The following FSTL5 variants were observed in gnomAD, a reference collection of about 807,000 sequenced individuals.
FSTL5 encodes the protein follistatin like 5.
FSTL5 carries 62 observed loss-of-function variants against 89.1 expected under a neutral mutation model. The observed-to-expected ratio is 0.70, with a 90% CI of 0.57 to 0.86. The LOEUF is 0.86. Among genes scored for constraint, FSTL5 ranks in the 40% least tolerant of loss-of-function variants. The probability of loss-of-function intolerance (pLI) is 0.00; values close to 1 mark genes in which losing one functional copy is unlikely to be tolerated. For missense variants in FSTL5, 1,057 were observed against 1,001.6 expected, an observed-to-expected ratio of 1.06 and a Z score of -0.75; for synonymous variants, 383 against 346.2, an observed-to-expected ratio of 1.11 and a Z score of -1.18.
At chr4:161,650,368 A>G (rs774470056) in intron 7 of FSTL5, among the ~76,000 whole-genome samples, 10 of 152,202 alleles carry the variant, frequency 6.6e-5, no homozygotes, top group African/African-American at 2.4e-4. Context: ...AAATTCAATT[A>G]ATGTTGAATT....
intron 2 of FSTL5, among the ~76,000 whole-genome samples, chr4:162,065,894 T>C (rs1451330318): frequency 6.6e-6 from 1 of 152,076 alleles, no homozygotes; most frequent in Admixed American, 6.6e-5. Flanking sequence ...TGTCTGAGAG[T>C]GACTTTGCTA....
At chr4:161,415,071 A>AT (rs1731724404) in intron 15 of FSTL5, among the ~76,000 whole-genome samples, 1 of 152,236 alleles carries the variant, frequency 6.6e-6, no homozygotes, top group Non-Finnish European at 1.5e-5. Context: ...CATTAAGAAT[A>AT]ATGGTACGAT....
chr4:161,804,322 T>C lies in FSTL5; in HGVS notation c.410-28248A>G, dbSNP rs1258767356. 2.0e-5 allele frequency among the ~76,000 whole-genome samples: 3 copies of C among 151,998 alleles called. No individual in the cohort carries two copies. The East Asian group carries it at 5.8e-4, about 29-fold the overall frequency. On this transcript the variant is annotated intron_variant, in intron 4 of 15. Coordinates refer to ENST00000306100, the MANE Select transcript of FSTL5 (RefSeq NM_020116.5). ...ATAATGTATTAACAGATGCCAAGAA[T>C]TGTGATAAGGACATCTTTGGGAGTC...
intron 3 of FSTL5, among the ~76,000 whole-genome samples, chr4:161,956,580 C>T (rs777622966): frequency 2.6e-5 from 4 of 151,806 alleles, no homozygotes; most frequent in South Asian, 2.1e-4. Flanking sequence ...AAGGCAAAAA[C>T]CACAATTACT....
At chr4:162,126,999 T>G (rs1454714176) in intron 1 of FSTL5, among the ~76,000 whole-genome samples, 1 of 152,090 alleles carries the variant, frequency 6.6e-6, no homozygotes, top group African/African-American at 2.4e-5. Flanking sequence ...ACTGTCGTGG[T>G]TTTTTTAAGC....
At chr4:161,883,103 G>T (rs1366118949) in intron 4 of FSTL5, among the ~76,000 whole-genome samples, 1 of 152,092 alleles carries the variant, frequency 6.6e-6, no homozygotes, top group Non-Finnish European at 1.5e-5. Flanking sequence ...AGTATTCTGG[G>T]AAGTGTGATT....
chr4:162,156,695 A>G (rs1213965980), intron 1 of FSTL5, among the ~76,000 whole-genome samples: 1 of 152,118 alleles, frequency 6.6e-6, no homozygotes, highest in Non-Finnish European at 1.5e-5. Context: ...TAAATATTGT[A>G]TATACATGGA....
At chr4:161,732,536 T>C (rs1320603316) in intron 6 of FSTL5, among the ~76,000 whole-genome samples, 1 of 152,076 alleles carries the variant, frequency 6.6e-6, no homozygotes, top group African/African-American at 2.4e-5. Context: ...CTATAGTTAG[T>C]AATTTTTATA....
At chr4:161,806,864 T>G (rs1460020835) in intron 4 of FSTL5, among the ~76,000 whole-genome samples, 2 of 152,036 alleles carry the variant, frequency 1.3e-5, no homozygotes, top group Admixed American at 6.6e-5. Context: ...AAAGTTCTCA[T>G]ACATACATAC....
intron 7 of FSTL5, among the ~76,000 whole-genome samples, chr4:161,590,739 A>C (rs1733785338): frequency 6.6e-6 from 1 of 152,212 alleles, no homozygotes; most frequent in Non-Finnish European, 1.5e-5. Flanking sequence ...AAAAAGAGAC[A>C]ATTGCAAGTG....
chr4:162,144,989 C>T (rs1732915974), intron 1 of FSTL5, among the ~76,000 whole-genome samples: 1 of 148,596 alleles, frequency 6.7e-6, no homozygotes, highest in Non-Finnish European at 1.5e-5. Flanking sequence ...AATATATATT[C>T]ATTGTATGTA....
At chr4:161,885,632 A>G (rs1732783950) in intron 4 of FSTL5, among the ~76,000 whole-genome samples, 1 of 152,032 alleles carries the variant, frequency 6.6e-6, no homozygotes, top group South Asian at 2.1e-4. Flanking sequence ...TTATTTTAGT[A>G]GAGACAGGGT....
rs533924192 is a variant in FSTL5 at position 161,575,732 on chromosome 4, C to A, written c.1015+11723G>T. ...CTCCTGAAGTGCTGGGATTACAAGGCGTGAGCCACCGTGCACGGCCGCCTA... is the reference window on the plus strand; with the variant it reads ...CTCCTGAAGTGCTGGGATTACAAGGAGTGAGCCACCGTGCACGGCCGCCTA... On this transcript the variant is annotated intron_variant, in intron 8 of 15. Coordinates refer to ENST00000306100, the MANE Select transcript of FSTL5 (RefSeq NM_020116.5). Among the ~76,000 whole-genome samples, 319 of 152,224 alleles carry A rather than the reference C, an allele frequency of 2.1e-3. 3 individuals are homozygous for A. The highest frequency in any genetic ancestry group is 0.02 in the Middle Eastern group (6 of 294).
chr4:161,533,803 C>A (rs767226034), intron 10 of FSTL5, among the ~76,000 whole-genome samples: 3 of 151,930 alleles, frequency 2.0e-5, no homozygotes, highest in Non-Finnish European at 4.4e-5. Context: ...AGGATAATAT[C>A]CCTGATGAAC....
At chr4:162,140,404 G>T (rs1476001496) in intron 1 of FSTL5, among the ~76,000 whole-genome samples, 1 of 140,034 alleles carries the variant, frequency 7.1e-6, no homozygotes, top group Non-Finnish European at 1.6e-5. Context: ...GGAAACTTTG[G>T]TTTTATTTTT....
chr4:161,901,396 A>T (rs1185836714), intron 4 of FSTL5, among the ~76,000 whole-genome samples: 1 of 152,182 alleles, frequency 6.6e-6, no homozygotes, highest in Admixed American at 6.5e-5. Context: ...TAGGAAGATG[A>T]GCTGATTCCT....
intron 5 of FSTL5, among the ~76,000 whole-genome samples, chr4:161,774,538 A>C (rs1741327930): frequency 6.6e-6 from 1 of 152,302 alleles, no homozygotes; most frequent in South Asian, 2.1e-4. Flanking sequence ...TTAGATGTCC[A>C]AATCCAGACC....
At chr4:161,840,256 A>G (rs1033893540) in intron 4 of FSTL5, among the ~76,000 whole-genome samples, 16 of 152,146 alleles carry the variant, frequency 1.1e-4, no homozygotes, top group Non-Finnish European at 2.4e-4. Context: ...GGAAGTAAAG[A>G]GTGAAAAGGG....
At chr4:161,595,445 AT>A (rs1733981844) in intron 7 of FSTL5, among the ~76,000 whole-genome samples, 2 of 152,090 alleles carry the variant, frequency 1.3e-5, no homozygotes, top group Non-Finnish European at 2.9e-5. Flanking sequence ...GCCTTAAGGC[AT>A]TGATGTCTGG....
Sources: allele counts gnomAD v4.1 joint callset (sites outside exome capture counted in the v4.1 genomes callset), GRCh38; gene constraint gnomAD v4.1.1; transcripts MANE v1.5; gene names NCBI Gene and HGNC (gene_info 2026-07-23, HGNC 2026-07-21).